The following PDIA4 variants were observed in gnomAD, a reference collection of about 807,000 sequenced individuals.
PDIA4 encodes the protein protein disulfide-isomerase A4.
In PDIA4, 33 loss-of-function variants were observed where a neutral mutation model predicts 62.1. The ratio of observed to expected loss-of-function variants is 0.53; its 90% CI spans 0.40 to 0.71. The LOEUF is 0.71. Ranked by LOEUF, PDIA4 falls within the 30% of genes least tolerant of loss-of-function variation. The pLI, the probability that PDIA4 is intolerant of heterozygous loss-of-function variation, is 0.00. For missense variants in PDIA4, 804 were observed against 813.6 expected, an observed-to-expected ratio of 0.99 and a Z score of 0.14; for synonymous variants, 341 against 324.1, an observed-to-expected ratio of 1.05 and a Z score of -0.56.
intron 9 of PDIA4, 32 bp from the exon 10 acceptor site, chr7:149,004,241 C>T: frequency 1.9e-6 from 3 of 1,590,234 alleles, no homozygotes; most frequent in Non-Finnish European, 1.7e-6. Flanking sequence ...GAGGGGGCGT[C>T]AGTGCTGCAA....
chr7:149,012,190 C>G lies in PDIA4; in HGVS notation c.785G>C (p.Arg262Thr), dbSNP rs759666998. 1.2e-6 allele frequency: 2 copies of G among 1,614,164 alleles called. No homozygotes were observed. The highest frequency in any genetic ancestry group is 4.5e-5 in the East Asian group (2 of 44,880). Residue 262 changes from arginine to threonine, a missense_variant, in exon 5 of 10, where the codon AGG becomes ACG. Arg to Thr is a moderately conservative substitution (Grantham distance 71). Coordinates refer to ENST00000652332, the MANE Select transcript of PDIA4 (RefSeq NM_004911.5). ...YPTLKIFRKG[R>T]PYDYNGPREK... ...TCGTGGGCCGTTGTAGTCATAAGGC[C>G]TTCCTTTGCGGAAAATTTTCAGGGT...
Position 149,005,171 on chromosome 7 carries a change from G to C in PDIA4, c.1492C>G (p.Leu498Val). ...TTGAAAGCAGTGACAAACTCGCGGA[G>C]GGTGTCAGAGTCAAACTCCTCTGGC... ...MEPEEFDSDTLREFVTAFKKG... is the reference protein window; with the variant it reads ...MEPEEFDSDTVREFVTAFKKG... Residue 498 changes from leucine (L) to valine (V), a missense_variant, in exon 9 of 10, where the codon CTC (leucine) becomes GTC (valine). By Grantham distance (32) the Leu-to-Val change is conservative (BLOSUM62 1). Transcript: ENST00000652332. The C allele has an allele frequency of 1.9e-6, 3 of 1,613,878 alleles. No homozygotes were observed. Among genetic ancestry groups the C allele is most frequent in the Non-Finnish European group, 2.5e-6 (3 of 1,179,788 alleles).
At chr7:149,007,057 T>C (rs1421841441) in intron 7 of PDIA4, among the ~76,000 whole-genome samples, 1 of 151,942 alleles carries the variant, frequency 6.6e-6, no homozygotes, top group African/African-American at 2.4e-5. Context: ...GGATCTTATC[T>C]CTGGATGGAA....
chr7:149,019,121 G>A lies in PDIA4; in HGVS notation c.346C>T (p.Pro116Ser). 7 of 1,613,830 alleles carry A rather than the reference G, an allele frequency of 4.3e-6. No homozygotes were observed. Among genetic ancestry groups the A allele is most frequent in the Non-Finnish European group, 5.9e-6 (7 of 1,179,846 alleles). ...NILKDKDPPI[P>S]VAKIDATSAS... ...GAGGTTGCATCGATCTTGGCAACAGGAATGGGAGGATCTTTATCCTTTAAT... is the reference window on the plus strand; with the variant it reads ...GAGGTTGCATCGATCTTGGCAACAGAAATGGGAGGATCTTTATCCTTTAAT... Residue 116 changes from proline to serine, a missense_variant, in exon 3 of 10, where the codon CCT (proline) becomes TCT (serine). Transcript: ENST00000652332.
chr7:149,019,340 G>A (rs1321257724), intron 2 of PDIA4, 143 bp from the exon 3 acceptor site: 5 of 671,012 alleles, frequency 7.5e-6, no homozygotes, highest in Non-Finnish European at 1.3e-5. Context: ...GCAGTGTTGG[G>A]AGATGGGACC....
intron 9 of PDIA4, 131 bp from the exon 10 acceptor site, chr7:149,004,340 A>G (rs919454458): frequency 3.7e-5 from 31 of 826,830 alleles, no homozygotes; most frequent in Non-Finnish European, 5.4e-5. Flanking sequence ...AGAGCCCACT[A>G]CTGTAGAAAG....
chr7:149,007,874 A>C (rs1172128572), intron 7 of PDIA4, among the ~76,000 whole-genome samples: 1 of 152,238 alleles, frequency 6.6e-6, no homozygotes, highest in African/African-American at 2.4e-5. Context: ...GCCTGCCAGG[A>C]GGGACAAAGG....
intron 3 of PDIA4, among the ~76,000 whole-genome samples, chr7:149,016,152 G>C (rs566695373): frequency 1.3e-5 from 2 of 152,064 alleles, no homozygotes; most frequent in African/African-American, 2.4e-5. Flanking sequence ...AAAATTAGCC[G>C]GGCGTGGTGG....
chr7:149,020,341 C>G (rs756438884), intron 2 of PDIA4, among the ~76,000 whole-genome samples: 3 of 152,104 alleles, frequency 2.0e-5, no homozygotes, highest in Non-Finnish European at 4.4e-5. Context: ...CCTATTTGGT[C>G]TCAGAAGTGA....
chr7:149,005,367 C>G lies in PDIA4; in HGVS notation c.1296G>C (p.Gln432His), dbSNP rs763866775. ...DFSFDYRAAT[Q>H]FWRSKVLEVA... ...CCTCTAGGACTTTGCTCCGCCAAAA[C>G]TGAGTTGCTGAAAGGGACCAAGGGC... Residue 432 changes from glutamine (Q) to histidine (H), a missense_variant, in exon 9 of 10, where the codon CAG (glutamine) becomes CAC (histidine). Coordinates refer to ENST00000652332, the MANE Select transcript of PDIA4 (RefSeq NM_004911.5). 1 of 1,612,966 alleles carries G rather than the reference C, an allele frequency of 6.2e-7. No homozygotes were observed. Among genetic ancestry groups the G allele is most frequent in the Admixed American group, 1.7e-5 (1 of 60,018 alleles).
chr7:149,017,452 T>C (rs1331176281), intron 3 of PDIA4, among the ~76,000 whole-genome samples: 3 of 151,982 alleles, frequency 2.0e-5, no homozygotes. Context: ...GGCGTGGTGG[T>C]GTGTCCCTGT....
At chr7:149,028,084 G>A (rs889527825) in intron 1 of PDIA4, 9 of 612,684 alleles carry the variant, frequency 1.5e-5, no homozygotes, top group African/African-American at 1.9e-5. Flanking sequence ...GGGCGTCGGA[G>A]CCCAAGAGAC....
At chr7:149,008,577 C>T (rs2129504202) in intron 6 of PDIA4, among the ~76,000 whole-genome samples, 1 of 152,180 alleles carries the variant, frequency 6.6e-6, no homozygotes, top group South Asian at 2.1e-4. Context: ...GTGATGCAAG[C>T]CTGTAGTCCC....
chr7:149,016,686 T>C (rs1395292972), intron 3 of PDIA4, among the ~76,000 whole-genome samples: 3 of 152,268 alleles, frequency 2.0e-5, no homozygotes, highest in East Asian at 1.9e-4. Context: ...TAATTTTTTA[T>C]ATTTTTAGTA....
rs1267650799 is a variant in PDIA4, at chr7:149,014,958, A to C, written c.560T>G (p.Phe187Cys). ...EVTLVLTKEN[F>C]DEVVNDADII... ...ATCTGCATCATTCACAACTTCATCA[A>C]AGTTCTCTTTGGTCAACACAAGCGT... is the stretch of plus-strand genomic sequence containing the variant. Residue 187 changes from phenylalanine to cysteine, a missense_variant, in exon 4 of 10, where the codon TTT becomes TGT. Physicochemically the swap from Phe to Cys is radical, Grantham distance 205. Coordinates refer to ENST00000652332, the MANE Select transcript of PDIA4 (RefSeq NM_004911.5). 2 of 1,614,074 alleles carry C rather than the reference A, an allele frequency of 1.2e-6. No homozygotes were observed. Among genetic ancestry groups the C allele is most frequent in the Admixed American group, 3.3e-5 (2 of 60,018 alleles).
chr7:149,015,569 T>C (rs1312492070), intron 3 of PDIA4, among the ~76,000 whole-genome samples: 1 of 151,418 alleles, frequency 6.6e-6, no homozygotes, highest in Non-Finnish European at 1.5e-5. Flanking sequence ...TGGCATTACC[T>C]GAGAAGGCTT....
At chr7:149,017,359 G>A (rs976590175) in intron 3 of PDIA4, among the ~76,000 whole-genome samples, 2 of 152,184 alleles carry the variant, frequency 1.3e-5, no homozygotes, top group East Asian at 1.9e-4. Context: ...CGAGGTGGGC[G>A]GATCACCTGA....
In PDIA4 at chr7:149,028,376, C is replaced by T; in HGVS notation, c.33G>A (p.Leu11=). The T allele has an allele frequency of 6.6e-7, 1 of 1,525,858 alleles. No homozygotes were observed. Among genetic ancestry groups the T allele is most frequent in the Non-Finnish European group, 8.8e-7 (1 of 1,137,770 alleles). 94.5% of individuals were successfully genotyped at this position (1,525,858 alleles called of 1,614,324 possible). A position where few individuals can be genotyped will look rare whatever the true frequency, so the allele number is the denominator to read the frequency against. ...CCAGCAGCTGCACCAGCCCCAAGAG[C>T]AGCAGGAGCAGGAAGGCTTTCCGGG... The part of the protein sequence containing the change: MRPRKAFLLL[L]LLGLVQLLAV... The change falls in exon 1 of 10, where the codon CTG becomes CTA. Residue 11 remains leucine, a synonymous_variant. Coordinates refer to ENST00000652332, the MANE Select transcript of PDIA4 (RefSeq NM_004911.5).
intron 6 of PDIA4, among the ~76,000 whole-genome samples, chr7:149,010,865 G>A (rs1823921084): frequency 6.6e-6 from 1 of 152,190 alleles, no homozygotes; most frequent in Non-Finnish European, 1.5e-5. Context: ...AAATTCCCTG[G>A]GGATTTGCAT....
Sources: allele counts gnomAD v4.1 joint callset (sites outside exome capture counted in the v4.1 genomes callset), GRCh38; gene constraint gnomAD v4.1.1; transcripts MANE v1.5; gene names NCBI Gene and HGNC (gene_info 2026-07-23, HGNC 2026-07-21).